RALYL: variants seen among roughly 807,000 people sequenced by gnomAD.
RALYL encodes RNA-binding Raly-like protein.
Under a neutral mutation model 35.1 loss-of-function variants are expected in RALYL, and 29 were observed. The ratio of observed to expected loss-of-function variants is 0.83; its 90% CI spans 0.61 to 1.13. The LOEUF is 1.13. Among genes scored for constraint, RALYL ranks in the 50% most tolerant of loss-of-function variants. The pLI is 0.00. For missense variants in RALYL, 359 were observed against 360.4 expected, an observed-to-expected ratio of 1.00 and a Z score of 0.03; for synonymous variants, 120 against 127.6, an observed-to-expected ratio of 0.94 and a Z score of 0.40.
chr8:84,469,191 T>G (rs998401293), intron 1 of RALYL, among the ~76,000 whole-genome samples: 2 of 152,234 alleles, frequency 1.3e-5, no homozygotes, highest in Non-Finnish European at 2.9e-5. Flanking sequence ...GGTGAGGAAC[T>G]GTGTTCCTTT....
intron 1 of RALYL, among the ~76,000 whole-genome samples, chr8:84,235,719 A>T (rs1826369314): frequency 6.6e-6 from 1 of 150,844 alleles, no homozygotes; most frequent in Admixed American, 6.6e-5. Flanking sequence ...CTACATTGAT[A>T]TGAGTTGCTA....
intron 2 of RALYL, among the ~76,000 whole-genome samples, chr8:84,650,077 C>T (rs1330795725): frequency 6.6e-6 from 1 of 152,084 alleles, no homozygotes; most frequent in African/African-American, 2.4e-5. Context: ...ATTTGGCTCT[C>T]TGTTTTTCTG....
chr8:84,860,154 C>T (rs1168702039), intron 5 of RALYL, among the ~76,000 whole-genome samples: 1 of 152,170 alleles, frequency 6.6e-6, no homozygotes, highest in Non-Finnish European at 1.5e-5. Context: ...TATTAAATTA[C>T]ATTGCAATTA....
chr8:84,407,079 C>CACACAG (rs2043613003), intron 1 of RALYL, among the ~76,000 whole-genome samples: 2 of 151,380 alleles, frequency 1.3e-5, no homozygotes, highest in African/African-American at 4.9e-5. Flanking sequence ...AACACACACA[C>CACACAG]ACACACAAGA....
chr8:84,378,293 A>G (rs777197251), intron 1 of RALYL, among the ~76,000 whole-genome samples: 1 of 151,882 alleles, frequency 6.6e-6, no homozygotes, highest in Non-Finnish European at 1.5e-5. Flanking sequence ...TCGAAGTAAG[A>G]TTGGGCATGG....
chr8:84,706,469 T>C (rs761113616), intron 2 of RALYL, among the ~76,000 whole-genome samples: 2 of 152,134 alleles, frequency 1.3e-5, no homozygotes, highest in Non-Finnish European at 2.9e-5. Context: ...CAATTTCAAT[T>C]ACAACTCTTA....
Position 84,470,064 on chromosome 8 carries a change from G to A in RALYL, c.-23-59235G>A, listed in dbSNP as rs576208960. On this transcript the variant is annotated intron_variant, in intron 1 of 8. Transcript: ENST00000521268. Reference sequence around the variant, plus strand: ...TGGCACTTCCTAGTGAGATGCACCCGGTACCTCAGATGGAAATGCAGAAAT... The same window carrying A: ...TGGCACTTCCTAGTGAGATGCACCCAGTACCTCAGATGGAAATGCAGAAAT... 3.4e-4 allele frequency among the ~76,000 whole-genome samples: 52 copies of A among 152,262 alleles called. No homozygotes were observed. In the South Asian group the frequency reaches 6.0e-3, roughly 18 times the overall value.
intron 2 of RALYL, among the ~76,000 whole-genome samples, chr8:84,611,606 T>C (rs1459533213): frequency 3.3e-5 from 5 of 152,160 alleles, no homozygotes; most frequent in African/African-American, 1.2e-4. Flanking sequence ...CCTAACTTAT[T>C]GACTGGTTCA....
chr8:84,212,548 C>T (rs1209134555), intron 1 of RALYL, among the ~76,000 whole-genome samples: 2 of 152,044 alleles, frequency 1.3e-5, no homozygotes, highest in Admixed American at 6.6e-5. Context: ...ACACAAAGCA[C>T]AAAGGTTATT....
At chr8:84,692,737 G>A (rs886752824) in intron 2 of RALYL, among the ~76,000 whole-genome samples, 2 of 152,012 alleles carry the variant, frequency 1.3e-5, no homozygotes, top group African/African-American at 4.8e-5. Flanking sequence ...TTCAGGATCT[G>A]GCTGTTTTTC....
Position 84,866,119 on chromosome 8 carries a change from C to T in RALYL, c.571+3666C>T, listed in dbSNP as rs141179394. On this transcript the variant is annotated intron_variant, in intron 6 of 8. Coordinates refer to ENST00000521268, the MANE Select transcript of RALYL (RefSeq NM_173848.7). ...TTTTAAAGAGAGAATGTACTATTGG[C>T]CGGAAAGGTTAGAGAAGGCTTAACA... Among the ~76,000 whole-genome samples the T allele has an allele frequency of 2.0e-5, 3 of 152,122 alleles. No individual in the cohort carries two copies. In the East Asian group the frequency reaches 5.8e-4, roughly 29 times the overall value.
intron 1 of RALYL, among the ~76,000 whole-genome samples, chr8:84,373,372 A>G (rs1413786427): frequency 6.6e-6 from 1 of 151,980 alleles, no homozygotes; most frequent in Admixed American, 6.6e-5. Flanking sequence ...TAAATCTCCA[A>G]TCCACCTTGA....
At chr8:84,337,426 G>C (rs935653493) in intron 1 of RALYL, among the ~76,000 whole-genome samples, 1 of 151,508 alleles carries the variant, frequency 6.6e-6, no homozygotes, top group Non-Finnish European at 1.5e-5. Context: ...ATTCAGAATT[G>C]AGTGCAAAAA....
At chr8:84,552,021 TACAG>T (rs1435449037) in intron 2 of RALYL, among the ~76,000 whole-genome samples, 7 of 150,856 alleles carry the variant, frequency 4.6e-5, no homozygotes, top group Admixed American at 1.3e-4. Flanking sequence ...CACATACACA[TACAG>T]AGAGAGAGAG....
intron 1 of RALYL, among the ~76,000 whole-genome samples, chr8:84,188,542 G>A (rs1382024671): frequency 6.6e-6 from 1 of 152,032 alleles, no homozygotes; most frequent in Non-Finnish European, 1.5e-5. Flanking sequence ...GTAATTGGCA[G>A]GCAACATAAA....
At chr8:84,875,811 A>G (rs1358768256) in intron 7 of RALYL, among the ~76,000 whole-genome samples, 1 of 152,172 alleles carries the variant, frequency 6.6e-6, no homozygotes, top group East Asian at 1.9e-4. Context: ...AGTCATTACA[A>G]TGCTTAATTA....
At chr8:84,374,732 AG>A (rs1856582268) in intron 1 of RALYL, among the ~76,000 whole-genome samples, 1 of 151,846 alleles carries the variant, frequency 6.6e-6, no homozygotes, top group Admixed American at 6.6e-5. Flanking sequence ...AAGGAGGGAT[AG>A]GATCGGAAAA....
chr8:84,813,145 A>G (rs1398743187), intron 4 of RALYL, among the ~76,000 whole-genome samples: 1 of 152,148 alleles, frequency 6.6e-6, no homozygotes, highest in East Asian at 1.9e-4. Context: ...ACTCAGCTCC[A>G]GATAAGGTCG....
chr8:84,458,196 G>C (rs2050352647), intron 1 of RALYL, among the ~76,000 whole-genome samples: 1 of 151,728 alleles, frequency 6.6e-6, no homozygotes, highest in Admixed American at 6.6e-5. Context: ...TGCTCTAATA[G>C]TTCCTTGCAT....
Sources: gnomAD v4.1 joint callset for allele counts (sites outside exome capture counted in the v4.1 genomes callset) on GRCh38, gnomAD v4.1.1 for gene constraint, MANE v1.5 for transcripts, NCBI Gene and HGNC (gene_info 2026-07-23, HGNC 2026-07-21) for gene names.